ARHGEF3: variants seen among roughly 807,000 people sequenced by gnomAD.
ARHGEF3 encodes 59.8 kDA protein.
Under a neutral mutation model 63.2 loss-of-function variants are expected in ARHGEF3, and 28 were observed. The ratio of observed to expected loss-of-function variants is 0.44; its 90% CI spans 0.33 to 0.61. The LOEUF is 0.61. ARHGEF3 is among the 20% of genes least tolerant of loss of function. ARHGEF3 has a pLI of 0.03. For missense variants in ARHGEF3, 533 were observed against 659.3 expected (o/e 0.81, Z 2.10); for synonymous variants, 266 against 254.2 (o/e 1.05, Z -0.44).
At chr3:56,839,279 G>A (rs2039230892) in intron 4 of ARHGEF3, among the ~76,000 whole-genome samples, 2 of 151,954 alleles carry the variant, frequency 1.3e-5, no homozygotes, top group South Asian at 4.2e-4. Flanking sequence ...TTGTGTATTA[G>A]TATATGAGTA....
chr3:57,030,075 A>G (rs1703669458), intron 2 of ARHGEF3, among the ~76,000 whole-genome samples: 1 of 152,202 alleles, frequency 6.6e-6, no homozygotes, highest in African/African-American at 2.4e-5. Flanking sequence ...GAGGGCTTCG[A>G]GCACTATACA....
intron 3 of ARHGEF3, among the ~76,000 whole-genome samples, chr3:56,882,508 C>CTTTT (rs397989726): frequency 3.6e-4 from 30 of 84,348 alleles, no homozygotes; most frequent in East Asian, 1.4e-3. Flanking sequence ...ATGAACACTT[C>CTTTT]TTTTTTTTTT....
chr3:56,876,033 A>T (rs950185687), intron 4 of ARHGEF3, among the ~76,000 whole-genome samples: 4 of 152,164 alleles, frequency 2.6e-5, no homozygotes, highest in African/African-American at 7.2e-5. Context: ...GCTAGATATG[A>T]AGGGTAAGGG....
chr3:57,062,461 G>T (rs767706992), intron 1 of ARHGEF3, among the ~76,000 whole-genome samples: 7 of 152,068 alleles, frequency 4.6e-5, no homozygotes, highest in Admixed American at 2.0e-4. Context: ...CGGCGGGGGC[G>T]GGGGGTGCTC....
intron 4 of ARHGEF3, among the ~76,000 whole-genome samples, chr3:56,852,968 G>A (rs983399250): frequency 9.2e-5 from 14 of 152,334 alleles, no homozygotes; most frequent in African/African-American, 3.4e-4. Flanking sequence ...AAAATAGCCA[G>A]AAAGTGCTTT....
At chr3:57,042,691 TA>T (rs55906315) in intron 1 of ARHGEF3, among the ~76,000 whole-genome samples, 809 of 26,732 alleles carry the variant, frequency 0.03, 70 homozygotes, top group South Asian at 0.059. Context: ...TATATATATA[TA>T]TATATATATT....
chr3:57,052,053 G>A (rs1488984312), intron 1 of ARHGEF3, among the ~76,000 whole-genome samples: 1 of 152,064 alleles, frequency 6.6e-6, no homozygotes, highest in Non-Finnish European at 1.5e-5. Context: ...AGTGCTTTAT[G>A]GTAATTATCA....
chr3:56,857,348 G>A (rs1456696521), intron 4 of ARHGEF3, among the ~76,000 whole-genome samples: 3 of 152,054 alleles, frequency 2.0e-5, no homozygotes, highest in African/African-American at 7.2e-5. Flanking sequence ...CATTCCTCCT[G>A]GGACTATTAT....
chr3:57,076,589 T>G (rs1345790064), intron 1 of ARHGEF3, among the ~76,000 whole-genome samples: 1 of 152,182 alleles, frequency 6.6e-6, no homozygotes, highest in Non-Finnish European at 1.5e-5. Context: ...TCCCTGTGCC[T>G]AGAGGATTCA....
intron 4 of ARHGEF3, among the ~76,000 whole-genome samples, chr3:56,868,297 T>G (rs1402031596): frequency 1.3e-5 from 2 of 152,068 alleles, no homozygotes; most frequent in Non-Finnish European, 2.9e-5. Flanking sequence ...CCTTCCCGAC[T>G]GAACCTTTGA....
intron 3 of ARHGEF3, among the ~76,000 whole-genome samples, chr3:56,921,708 G>C (rs1299470975): frequency 1.3e-5 from 2 of 152,220 alleles, no homozygotes; most frequent in African/African-American, 4.8e-5. Context: ...TTCAACTCAA[G>C]AGACTGTGAA....
At chr3:57,071,193 T>C (rs368225625) in intron 1 of ARHGEF3, among the ~76,000 whole-genome samples, 96 of 152,114 alleles carry the variant, frequency 6.3e-4, no homozygotes, top group African/African-American at 2.3e-3. Context: ...GACAAGAGTG[T>C]CAAAACAATT....
intron 2 of ARHGEF3, among the ~76,000 whole-genome samples, chr3:57,026,774 G>GGT (rs1255144945): frequency 6.6e-6 from 1 of 152,170 alleles, no homozygotes; most frequent in African/African-American, 2.4e-5. Flanking sequence ...GAGGCCACCT[G>GGT]GTGTGTGTGT....
chr3:57,048,088 T>C (rs1704534148), intron 1 of ARHGEF3, among the ~76,000 whole-genome samples: 2 of 152,110 alleles, frequency 1.3e-5, no homozygotes, highest in South Asian at 2.1e-4. Flanking sequence ...AGACACGCGC[T>C]GGCCTTCAGA....
chr3:56,869,979 T>C (rs1159129414), intron 4 of ARHGEF3, among the ~76,000 whole-genome samples: 2 of 152,006 alleles, frequency 1.3e-5, no homozygotes, highest in Non-Finnish European at 2.9e-5. Flanking sequence ...TATATATATA[T>C]TTTAAATTAT....
At chr3:57,028,245 A>T (rs1180589687) in intron 2 of ARHGEF3, among the ~76,000 whole-genome samples, 1 of 129,238 alleles carries the variant, frequency 7.7e-6, no homozygotes, top group Non-Finnish European at 1.6e-5. Context: ...ATGCACACGT[A>T]TGTTTATTGC....
intron 2 of ARHGEF3, among the ~76,000 whole-genome samples, chr3:56,970,966 A>T (rs1013425916): frequency 6.6e-6 from 1 of 152,166 alleles, no homozygotes; most frequent in Non-Finnish European, 1.5e-5. Flanking sequence ...GGAGTAGAGG[A>T]GTTAATATAC....
chr3:56,776,554 T>G (rs1268028957), intron 1 of ARHGEF3, among the ~76,000 whole-genome samples: 2 of 152,206 alleles, frequency 1.3e-5, no homozygotes, highest in East Asian at 3.8e-4. Context: ...CCTTGAGGCC[T>G]TCTGTGAGAA....
intron 3 of ARHGEF3, among the ~76,000 whole-genome samples, chr3:56,904,984 A>T (rs2041639483): frequency 1.3e-5 from 2 of 152,112 alleles, no homozygotes; most frequent in Non-Finnish European, 2.9e-5. Flanking sequence ...TAATACACCG[A>T]ATACTCTGCC....
Sources: allele counts gnomAD v4.1 joint callset (sites outside exome capture counted in the v4.1 genomes callset), GRCh38; gene constraint gnomAD v4.1.1; transcripts MANE v1.5; gene names NCBI Gene and HGNC (gene_info 2026-07-23, HGNC 2026-07-21).